The following PGR variants were observed in gnomAD, a reference collection of about 807,000 sequenced individuals.
PGR encodes nuclear receptor subfamily 3 group C member 3.
A neutral mutation model predicts 76.1 loss-of-function variants in PGR; 25 were observed. That is an observed-to-expected ratio of 0.33 (90% CI 0.24 to 0.46). The LOEUF is 0.46. Ranked by LOEUF, PGR falls within the 20% of genes least tolerant of loss-of-function variation. The probability of loss-of-function intolerance (pLI) is 1.00; values close to 1 mark genes in which losing one functional copy is unlikely to be tolerated. For synonymous variants in PGR, 579 were observed against 535.0 expected (o/e 1.08, Z -1.14); for missense variants, 1,172 against 1,225.3 (o/e 0.96, Z 0.65).
intron 4 of PGR, among the ~76,000 whole-genome samples, chr11:101,061,628 G>T (rs960611405): frequency 2.0e-5 from 3 of 152,136 alleles, no homozygotes; most frequent in Non-Finnish European, 4.4e-5. Context: ...CAGTATAAGG[G>T]TATTACTGAT....
At chr11:101,061,500 T>C (rs1274641957) in intron 4 of PGR, among the ~76,000 whole-genome samples, 1 of 152,190 alleles carries the variant, frequency 6.6e-6, no homozygotes, top group Non-Finnish European at 1.5e-5. Flanking sequence ...GAGAATTATA[T>C]TAAGGAGAAT....
At chr11:101,043,970 T>A (rs1859779836) in intron 6 of PGR, among the ~76,000 whole-genome samples, 1 of 152,160 alleles carries the variant, frequency 6.6e-6, no homozygotes, top group Non-Finnish European at 1.5e-5. Flanking sequence ...TAAATGAGCA[T>A]TAGCTTCAGC....
chr11:101,068,660 C>T (rs936804506), intron 3 of PGR, among the ~76,000 whole-genome samples: 1 of 151,872 alleles, frequency 6.6e-6, no homozygotes, highest in Admixed American at 6.6e-5. Context: ...GTACTGGTAC[C>T]CAAACAGATA....
At chr11:101,054,205 G>A (rs1364797701) in intron 4 of PGR, among the ~76,000 whole-genome samples, 2 of 151,548 alleles carry the variant, frequency 1.3e-5, no homozygotes, top group Non-Finnish European at 2.9e-5. Flanking sequence ...TTTTTCTTTT[G>A]TTTTTAAAAG....
chr11:101,064,424 T>C (rs1224939592), intron 3 of PGR, among the ~76,000 whole-genome samples: 2 of 140,900 alleles, frequency 1.4e-5, no homozygotes, highest in African/African-American at 2.7e-5. Context: ...ACAAAACAAT[T>C]GCCATGGTTA....
At chr11:101,125,076 G>C (rs748700931) in intron 2 of PGR, among the ~76,000 whole-genome samples, 3 of 151,988 alleles carry the variant, frequency 2.0e-5, no homozygotes, top group African/African-American at 4.8e-5. Flanking sequence ...CAGATCCTTG[G>C]TTCCTTGTCT....
intron 4 of PGR, among the ~76,000 whole-genome samples, chr11:101,054,480 A>T (rs2135399192): frequency 6.6e-6 from 1 of 152,322 alleles, no homozygotes; most frequent in South Asian, 2.1e-4. Flanking sequence ...TTGTAAGTCA[A>T]ATATTTAAGA....
At chr11:101,048,355 C>T (rs1859963242) in intron 6 of PGR, among the ~76,000 whole-genome samples, 1 of 152,052 alleles carries the variant, frequency 6.6e-6, no homozygotes, top group South Asian at 2.1e-4. Context: ...TAATTGCAGT[C>T]GTGTATCACT....
Position 101,127,800 on chromosome 11 carries a change from G to C in PGR, c.1271C>G (p.Pro424Arg), listed in dbSNP as rs772278936. The change falls in exon 1 of 8, where the codon CCG (proline) becomes CGG (arginine). Residue 424 changes from proline to arginine, a missense_variant. By Grantham distance (103) the Pro-to-Arg change is moderately radical. Coordinates refer to ENST00000325455, the MANE Select transcript of PGR (RefSeq NM_000926.4). ...GGATGGGGTCGCTCGCGGCGGCAGCGGGGGCGGTGGCCCCAACGGGAAATC... is the reference window on the plus strand; with the variant it reads ...GGATGGGGTCGCTCGCGGCGGCAGCCGGGGCGGTGGCCCCAACGGGAAATC... ...FPDFPLGPPP[P>R]LPPRATPSRP... The C allele has an allele frequency of 6.9e-4, 1,079 of 1,567,022 alleles. 1 individual carries two copies. The highest frequency in any genetic ancestry group is 8.6e-4 in the Non-Finnish European group (1,000 of 1,164,626).
intron 3 of PGR, chr11:101,063,415 T>C (rs750005448): frequency 1.3e-5 from 2 of 152,250 alleles, no homozygotes; most frequent in South Asian, 2.1e-4. Context: ...TTTGTATTTC[T>C]GGATGATTTC....
At chr11:101,084,073 A>T (rs1265640843) in intron 3 of PGR, among the ~76,000 whole-genome samples, 1 of 152,012 alleles carries the variant, frequency 6.6e-6, no homozygotes, top group East Asian at 1.9e-4. Flanking sequence ...ATGGAGGCAA[A>T]TTTCCCCCAT....
chr11:101,114,488 A>T (rs1862440190), intron 2 of PGR, among the ~76,000 whole-genome samples: 1 of 152,130 alleles, frequency 6.6e-6, no homozygotes, highest in African/African-American at 2.4e-5. Flanking sequence ...AATACAAACA[A>T]TTTGAAATTA....
chr11:101,086,771 C>T (rs1057418227), intron 3 of PGR, among the ~76,000 whole-genome samples: 5 of 152,080 alleles, frequency 3.3e-5, no homozygotes, highest in African/African-American at 1.2e-4. Flanking sequence ...AAAATTAGTA[C>T]CATTTCTATA....
chr11:101,127,619 G>T lies in PGR; in HGVS notation c.1452C>A (p.Gly484=). 1.5e-6 allele frequency: 2 copies of T among 1,317,516 alleles called. No homozygotes were observed. The highest frequency in any genetic ancestry group is 1.9e-6 in the Non-Finnish European group (2 of 1,042,920). 81.6% of individuals were successfully genotyped at this position (1,317,516 alleles called of 1,614,324 possible). ...CCCGCGGGAGCAGGCAGCCGCTCGCGCCCGGCGCCTTGCAGGGCGGCGGCG... is the reference window on the plus strand; with the variant it reads ...CCCGCGGGAGCAGGCAGCCGCTCGCTCCCGGCGCCTTGCAGGGCGGCGGCG... ...PFAPPPCKAP[G]ASGCLLPRDG... is the part of the protein sequence containing the mutation. The change falls in exon 1 of 8, where the codon GGC becomes GGA. Residue 484 remains glycine, a synonymous_variant. Transcript: ENST00000325455.
intron 2 of PGR, among the ~76,000 whole-genome samples, chr11:101,123,588 T>A (rs1053009767): frequency 6.6e-6 from 1 of 152,218 alleles, no homozygotes; most frequent in African/African-American, 2.4e-5. Context: ...GTCAGTGTAA[T>A]CTTAATTTCT....
chr11:101,100,798 T>C (rs1861974577), intron 2 of PGR, among the ~76,000 whole-genome samples: 1 of 152,122 alleles, frequency 6.6e-6, no homozygotes, highest in South Asian at 2.1e-4. Flanking sequence ...TAGGTATTAT[T>C]GCAGAGAGGC....
intron 3 of PGR, among the ~76,000 whole-genome samples, chr11:101,069,908 A>G (rs1860861467): frequency 6.6e-6 from 1 of 151,966 alleles, no homozygotes; most frequent in African/African-American, 2.4e-5. Flanking sequence ...AATGTAGATG[A>G]TGGATTGTTG....
chr11:101,128,942 G>A lies in PGR; in HGVS notation c.129C>T (p.Asp43=). 1 of 1,610,936 alleles carries A rather than the reference G, an allele frequency of 6.2e-7. No homozygotes were observed. Among genetic ancestry groups the A allele is most frequent in the Admixed American group, 1.7e-5 (1 of 59,962 alleles). The stretch of plus-strand genomic sequence containing the variant: ...GTATGGCCGAAACTTCAGGCAAGGT[G>A]TCCGAGGTCTGGCTCCCCGGGAACG... The part of the protein sequence containing the change: ...AGPFPGSQTS[D]TLPEVSAIPI... Residue 43 remains aspartate (D), a synonymous_variant, in exon 1 of 8, where the codon GAC becomes GAT. Transcript: ENST00000325455.
chr11:101,100,605 C>CCACACACACA (rs10682415), intron 2 of PGR, among the ~76,000 whole-genome samples: 45 of 147,680 alleles, frequency 3.0e-4, no homozygotes, highest in African/African-American at 9.2e-4. Flanking sequence ...TATTTTGAAT[C>CCACACACACA]CACACACACA....
Sources: gnomAD v4.1 joint callset for allele counts (sites outside exome capture counted in the v4.1 genomes callset) on GRCh38, gnomAD v4.1.1 for gene constraint, MANE v1.5 for transcripts, NCBI Gene and HGNC (gene_info 2026-07-23, HGNC 2026-07-21) for gene names.